Variants in SCCPDH observed in about 807,000 individuals in gnomAD.
SCCPDH encodes the protein saccharopine dehydrogenase-like oxidoreductase.
Under a neutral mutation model 51.5 loss-of-function variants are expected in SCCPDH, and 34 were observed. That is an observed-to-expected ratio of 0.66 (90% CI 0.50 to 0.88). The LOEUF is 0.88. Ranked by LOEUF, SCCPDH falls within the 40% of genes least tolerant of loss-of-function variation. The pLI is 0.00. For missense variants in SCCPDH, 464 were observed against 527.1 expected, an observed-to-expected ratio of 0.88 and a Z score of 1.17; for synonymous variants, 187 against 191.3, an observed-to-expected ratio of 0.98 and a Z score of 0.19.
At position 246,767,304 on chromosome 1, in the gene SCCPDH, C is replaced by T. The variant is rs372611389; in HGVS notation, c.*4C>T. Reference sequence around the variant, plus strand: ...TATTAGCAGCTCTGAAGTCTAAACACTGGAAGAATTAACTGAAGTCATAAC... The same window carrying T: ...TATTAGCAGCTCTGAAGTCTAAACATTGGAAGAATTAACTGAAGTCATAAC... On this transcript the variant is annotated 3_prime_UTR_variant, in exon 12 of 12. Transcript: ENST00000366510. 1 of 1,541,550 alleles carries T rather than the reference C, an allele frequency of 6.5e-7. No homozygotes were observed. Among genetic ancestry groups the T allele is most frequent in the Non-Finnish European group, 8.8e-7 (1 of 1,131,954 alleles).
Position 246,767,411 on chromosome 1 carries a change from A to C in SCCPDH, c.*111A>C. ...TGAGTGTATGTGGAAACGATTGTCA[A>C]ATCTAAAATATCTATATATTAAAAA... On this transcript the variant is annotated 3_prime_UTR_variant, in exon 12 of 12. Transcript: ENST00000366510. 1.9e-6 allele frequency: 1 copy of C among 526,082 alleles called. No homozygotes were observed. The highest frequency in any genetic ancestry group is 4.1e-5 in the Admixed American group (1 of 24,210). The allele number at this position is 526,082 out of a possible 1,614,324, so 32.6% of individuals were successfully genotyped here.
chr1:246,748,975 T>TC (rs148840315), intron 5 of SCCPDH, among the ~76,000 whole-genome samples: 104 of 152,292 alleles, frequency 6.8e-4, no homozygotes, highest in Middle Eastern at 3.4e-3. Context: ...CTGTTAAGTC[T>TC]CCAAGGAATG....
chr1:246,725,461 C>T (rs1408082258), intron 1 of SCCPDH, among the ~76,000 whole-genome samples: 1 of 151,368 alleles, frequency 6.6e-6, no homozygotes, highest in Non-Finnish European at 1.5e-5. Context: ...CTTACGACTC[C>T]GTAGCCTTTA....
chr1:246,751,776 C>CTTTT (rs34218859), intron 5 of SCCPDH, among the ~76,000 whole-genome samples: 10 of 138,360 alleles, frequency 7.2e-5, no homozygotes, highest in Non-Finnish European at 9.2e-5. Flanking sequence ...ATAAATTCTC[C>CTTTT]TTTTTTTTTT....
At chr1:246,724,770 A>G (rs1026686851) in intron 1 of SCCPDH, among the ~76,000 whole-genome samples, 158 bp downstream of exon 1, 5 of 152,328 alleles carry the variant, frequency 3.3e-5, no homozygotes, top group African/African-American at 9.6e-5. Context: ...AAATACTGCC[A>G]TAGCTTTGTC....
chr1:246,742,633 G>A (rs1054086280), intron 4 of SCCPDH, among the ~76,000 whole-genome samples: 4 of 152,168 alleles, frequency 2.6e-5, no homozygotes, highest in African/African-American at 7.2e-5. Flanking sequence ...TTATCTGGCT[G>A]TAGTTCTCTT....
chr1:246,726,349 G>GC (rs533015495), intron 1 of SCCPDH, among the ~76,000 whole-genome samples: 258 of 151,966 alleles, frequency 1.7e-3, no homozygotes, highest in African/African-American at 5.6e-3. Flanking sequence ...TGATTCTACC[G>GC]CCTCAGCCTC....
At chr1:246,732,437 A>C (rs992777206) in intron 2 of SCCPDH, among the ~76,000 whole-genome samples, 1 of 151,782 alleles carries the variant, frequency 6.6e-6, no homozygotes, top group Non-Finnish European at 1.5e-5. Flanking sequence ...ACCCAGGCGG[A>C]AATGCAGTGG....
At chr1:246,753,732 G>C (rs749085431) in intron 5 of SCCPDH, among the ~76,000 whole-genome samples, 3 of 151,782 alleles carry the variant, frequency 2.0e-5, no homozygotes, top group Admixed American at 6.6e-5. Context: ...CTTCCCCCGA[G>C]AAGAGAGGAA....
Position 246,724,419 on chromosome 1 carries a change from C to T in SCCPDH, c.-4C>T, listed in dbSNP as rs533106938. 4 of 1,565,298 alleles carry T rather than the reference C, an allele frequency of 2.6e-6. No individual in the cohort carries two copies. The highest frequency in any genetic ancestry group is 1.9e-5 in the Admixed American group (1 of 53,706). ...CCGGGGCCTGGGCTCGCTGTGGACT[C>T]GTCATGGCGACCGAGCAGAGGCCTT... On this transcript the variant is annotated 5_prime_UTR_variant, in exon 1 of 12. Coordinates refer to ENST00000366510, the MANE Select transcript of SCCPDH (RefSeq NM_016002.3).
intron 2 of SCCPDH, among the ~76,000 whole-genome samples, chr1:246,732,640 G>A (rs1252129063): frequency 2.0e-5 from 3 of 152,014 alleles, no homozygotes; most frequent in Admixed American, 6.6e-5. Context: ...CACCTGCCTC[G>A]GCCTCCCAAA....
intron 3 of SCCPDH, among the ~76,000 whole-genome samples, chr1:246,739,064 C>T (rs1284501645): frequency 6.6e-6 from 1 of 151,374 alleles, no homozygotes; most frequent in Non-Finnish European, 1.5e-5. Context: ...TGATTGTGTT[C>T]GTGTGTGTTT....
At chr1:246,760,918 A>G (rs1280416216) in intron 9 of SCCPDH, among the ~76,000 whole-genome samples, 1 of 151,968 alleles carries the variant, frequency 6.6e-6, no homozygotes, top group East Asian at 1.9e-4. Context: ...TTCAAAATCT[A>G]CCCAACTGCA....
chr1:246,747,162 CTCTT>C (rs1441221842), intron 5 of SCCPDH, among the ~76,000 whole-genome samples: 9 of 150,028 alleles, frequency 6.0e-5, no homozygotes, highest in Admixed American at 3.3e-4. Context: ...CCCTTTTTGT[CTCTT>C]TCTTTTCTTC....
intron 11 of SCCPDH, among the ~76,000 whole-genome samples, chr1:246,766,982 G>A (rs191848776): frequency 1.3e-5 from 2 of 152,294 alleles, no homozygotes; most frequent in East Asian, 3.9e-4. Context: ...CAGGAACAGA[G>A]CCAGTCTAGA....
chr1:246,764,378 G>C (rs1332051446), intron 10 of SCCPDH, 21 bp downstream of exon 10: 3 of 1,362,816 alleles, frequency 2.2e-6, no homozygotes, highest in Admixed American at 1.7e-5. Flanking sequence ...TATCACTTAA[G>C]AATGCTTGGG....
chr1:246,751,805 G>A (rs578164485), intron 5 of SCCPDH, among the ~76,000 whole-genome samples: 14 of 133,206 alleles, frequency 1.1e-4, no homozygotes, highest in South Asian at 4.6e-4. Context: ...ATGGAGTCTC[G>A]CTCTGTCGCC....
At chr1:246,745,309 A>G (rs1558170374) in intron 5 of SCCPDH, among the ~76,000 whole-genome samples, 1 of 152,262 alleles carries the variant, frequency 6.6e-6, no homozygotes, top group Non-Finnish European at 1.5e-5. Flanking sequence ...TGGCTTCAGA[A>G]GTATTTGTTC....
intron 7 of SCCPDH, 129 bp downstream of exon 7, chr1:246,759,280 A>G: frequency 1.6e-6 from 1 of 628,526 alleles, no homozygotes. Flanking sequence ...GCCTCTGGAA[A>G]TACACAGAAT....
Sources: gnomAD v4.1 joint callset for allele counts (sites outside exome capture counted in the v4.1 genomes callset) on GRCh38, gnomAD v4.1.1 for gene constraint, MANE v1.5 for transcripts, NCBI Gene and HGNC (gene_info 2026-07-23, HGNC 2026-07-21) for gene names.